CNTN5: variants seen among roughly 807,000 people sequenced by gnomAD.
CNTN5 encodes contactin-5.
CNTN5 carries 77 observed loss-of-function variants against 129.1 expected under a neutral mutation model. The observed-to-expected ratio is 0.60, with a 90% CI of 0.50 to 0.72. The LOEUF is 0.72. Among genes scored for constraint, CNTN5 ranks in the 30% least tolerant of loss-of-function variants. The pLI, the probability that CNTN5 is intolerant of heterozygous loss-of-function variation, is 0.00. For missense variants in CNTN5, 1,478 were observed against 1,328.8 expected, an observed-to-expected ratio of 1.11 and a Z score of -1.75; for synonymous variants, 509 against 465.6, an observed-to-expected ratio of 1.09 and a Z score of -1.20.
intron 4 of CNTN5, among the ~76,000 whole-genome samples, chr11:99,835,192 A>G (rs1732767740): frequency 6.6e-6 from 1 of 152,190 alleles, no homozygotes; most frequent in South Asian, 2.1e-4. Flanking sequence ...AGATGCAGAA[A>G]CTGATGATGA....
At chr11:100,001,026 A>AG (rs1215304729) in intron 8 of CNTN5, among the ~76,000 whole-genome samples, 6 of 152,138 alleles carry the variant, frequency 3.9e-5, no homozygotes, top group Non-Finnish European at 8.8e-5. Flanking sequence ...CTGTGATGAG[A>AG]GGGGCTGCTA....
Position 100,012,140 on chromosome 11 carries a change from G to A in CNTN5, c.980+10004G>A, listed in dbSNP as rs116462441. Among the ~76,000 whole-genome samples the A allele has an allele frequency of 5.0e-3, 757 of 152,232 alleles. 4 individuals carry two copies. Among genetic ancestry groups the A allele is most frequent in the African/African-American group, 0.017 (713 of 41,548 alleles). Reference sequence around the variant, plus strand: ...GGGTGTTGGAATCAATAAACATTTAGGCCTCACAGGAAAGTGGTGCATTAC... The same window carrying A: ...GGGTGTTGGAATCAATAAACATTTAAGCCTCACAGGAAAGTGGTGCATTAC... On this transcript the variant is annotated intron_variant, in intron 9 of 24. Coordinates refer to ENST00000524871, the MANE Select transcript of CNTN5 (RefSeq NM_014361.4).
intron 1 of CNTN5, among the ~76,000 whole-genome samples, chr11:99,079,363 T>C (rs950476885): frequency 6.6e-6 from 1 of 151,920 alleles, no homozygotes; most frequent in Non-Finnish European, 1.5e-5. Flanking sequence ...CATAAAGAAA[T>C]GGAATTCCTG....
At chr11:99,386,203 A>T (rs1940916030) in intron 2 of CNTN5, among the ~76,000 whole-genome samples, 1 of 152,194 alleles carries the variant, frequency 6.6e-6, no homozygotes, top group South Asian at 2.1e-4. Context: ...CACATCTGTT[A>T]CAGGAAAGGG....
At chr11:99,653,574 A>T (rs1408449778) in intron 3 of CNTN5, among the ~76,000 whole-genome samples, 1 of 152,074 alleles carries the variant, frequency 6.6e-6, no homozygotes, top group East Asian at 1.9e-4. Flanking sequence ...ATCAATACTA[A>T]ATGTAAAATG....
chr11:99,622,712 G>T (rs1950991295), intron 3 of CNTN5, among the ~76,000 whole-genome samples: 1 of 151,966 alleles, frequency 6.6e-6, no homozygotes, highest in South Asian at 2.1e-4. Context: ...TTGGGAACAG[G>T]TGTTATAGCA....
intron 2 of CNTN5, among the ~76,000 whole-genome samples, chr11:99,473,211 A>G (rs1945242332): frequency 6.6e-6 from 1 of 152,140 alleles, no homozygotes; most frequent in Non-Finnish European, 1.5e-5. Flanking sequence ...CTTTTTAGCA[A>G]CAACCTTGGA....
At chr11:99,826,001 C>CT (rs1238336925) in intron 4 of CNTN5, among the ~76,000 whole-genome samples, 1 of 152,034 alleles carries the variant, frequency 6.6e-6, no homozygotes, top group African/African-American at 2.4e-5. Flanking sequence ...CATTTCTACA[C>CT]TTTTTTGTGT....
At chr11:99,577,988 C>T (rs1365731095) in intron 3 of CNTN5, among the ~76,000 whole-genome samples, 1 of 135,642 alleles carries the variant, frequency 7.4e-6, no homozygotes, top group East Asian at 2.2e-4. Context: ...CTCCCCCCAC[C>T]CCACAACAGT....
intron 9 of CNTN5, among the ~76,000 whole-genome samples, chr11:100,005,437 C>G (rs887257066): frequency 6.6e-6 from 1 of 152,118 alleles, no homozygotes; most frequent in African/African-American, 2.4e-5. Context: ...CTCCAACTCT[C>G]TTTTTTATTT....
intron 2 of CNTN5, among the ~76,000 whole-genome samples, chr11:99,353,408 G>A (rs1938433098): frequency 6.6e-6 from 1 of 152,164 alleles, no homozygotes; most frequent in African/African-American, 2.4e-5. Flanking sequence ...TTGAGTGTAT[G>A]CTTGTCCAAA....
chr11:99,408,041 A>G (rs1000251776), intron 2 of CNTN5, among the ~76,000 whole-genome samples: 1 of 151,974 alleles, frequency 6.6e-6, no homozygotes, highest in Non-Finnish European at 1.5e-5. Context: ...TGCTCACCTT[A>G]TTTTTGGTTC....
chr11:100,358,668 C>T lies in CNTN5; in HGVS notation c.*2448C>T, dbSNP rs1952578597. The T allele has an allele frequency of 2.0e-5, 3 of 151,586 alleles. No individual in the cohort carries two copies. Among genetic ancestry groups the T allele is most frequent in the African/African-American group, 7.3e-5 (3 of 41,320 alleles). 9.4% of individuals were successfully genotyped at this position (151,586 alleles called of 1,614,324 possible). ...ATTGAATATGAAGAAAGCAACAGTC[C>T]TTATAATTAGAAATTTCATGAAAGC... On this transcript the variant is annotated 3_prime_UTR_variant, in exon 25 of 25. Coordinates refer to ENST00000524871, the MANE Select transcript of CNTN5 (RefSeq NM_014361.4).
intron 2 of CNTN5, among the ~76,000 whole-genome samples, chr11:99,358,845 C>G (rs1938899653): frequency 6.6e-6 from 1 of 152,116 alleles, no homozygotes; most frequent in Admixed American, 6.5e-5. Flanking sequence ...CTAGGAAACT[C>G]AAACCCCTCA....
chr11:100,244,437 G>C (rs1949803342), intron 16 of CNTN5, among the ~76,000 whole-genome samples: 1 of 152,090 alleles, frequency 6.6e-6, no homozygotes, highest in Non-Finnish European at 1.5e-5. Context: ...AAAATGGCAA[G>C]GCCTGAATGA....
chr11:99,240,481 G>C (rs1043778661), intron 1 of CNTN5, among the ~76,000 whole-genome samples: 7 of 152,088 alleles, frequency 4.6e-5, no homozygotes. Flanking sequence ...ACAACATATG[G>C]AAAGCTTTCA....
chr11:99,602,320 G>T (rs1950338603), intron 3 of CNTN5, among the ~76,000 whole-genome samples: 1 of 152,064 alleles, frequency 6.6e-6, no homozygotes, highest in African/African-American at 2.4e-5. Context: ...ATGGAGAATA[G>T]AAATAGATTT....
intron 3 of CNTN5, among the ~76,000 whole-genome samples, chr11:99,651,304 T>C (rs1952147161): frequency 1.3e-5 from 2 of 151,876 alleles, no homozygotes; most frequent in Non-Finnish European, 2.9e-5. Flanking sequence ...TTATTGCATG[T>C]GGCAATTGGA....
Position 99,769,658 on chromosome 11 carries a change from G to A in CNTN5, c.56-49886G>A, listed in dbSNP as rs533530544. On this transcript the variant is annotated intron_variant, in intron 3 of 24. Coordinates refer to ENST00000524871, the MANE Select transcript of CNTN5 (RefSeq NM_014361.4). ...TGGAGAGCAGCCTGGGAAACATAGC[G>A]AAACCCCCAGCCAGGTGTGGTGGTG... 3.4e-4 allele frequency among the ~76,000 whole-genome samples: 51 copies of A among 151,934 alleles called. 2 individuals carry two copies. The highest frequency in any genetic ancestry group is 2.7e-3 in the South Asian group (13 of 4,818).
Sources: allele counts gnomAD v4.1 joint callset (sites outside exome capture counted in the v4.1 genomes callset), GRCh38; gene constraint gnomAD v4.1.1; transcripts MANE v1.5; gene names NCBI Gene and HGNC (gene_info 2026-07-23, HGNC 2026-07-21).